Variants in CNGB1 observed in about 807,000 individuals in gnomAD.
The protein encoded by CNGB1 is cyclic nucleotide gated channel subunit beta 1, also known as cyclic nucleotide-gated channel beta-1.
Under a neutral mutation model 151.7 loss-of-function variants are expected in CNGB1, and 126 were observed. That is an observed-to-expected ratio of 0.83 (90% CI 0.72 to 0.96). The LOEUF (loss-of-function observed/expected upper bound fraction) is 0.96, where lower values mean the gene tolerates loss of function less well. Among genes scored for constraint, CNGB1 ranks in the 40% least tolerant of loss-of-function variants. The pLI, the probability that CNGB1 is intolerant of heterozygous loss-of-function variation, is 0.00. For synonymous variants in CNGB1, 623 were observed against 635.1 expected (o/e 0.98, Z 0.29); for missense variants, 1,698 against 1,627.0 (o/e 1.04, Z -0.75).
At chr16:57,947,224 C>T (rs753070507) in intron 14 of CNGB1, among the ~76,000 whole-genome samples, 3 of 152,182 alleles carry the variant, frequency 2.0e-5, no homozygotes, top group Admixed American at 2.0e-4. Flanking sequence ...TACACATCTG[C>T]ACATGCATGT....
In CNGB1 at chr16:57,897,891, G is replaced by C; in HGVS notation, c.3000C>G (p.Tyr1000Ter). The change falls in exon 30 of 33, where the codon TAC (tyrosine) becomes TAG (stop). Residue 1000 changes from tyrosine to a stop codon, truncating the protein, a stop_gained. Coordinates refer to ENST00000251102, the MANE Select transcript of CNGB1 (RefSeq NM_001297.5). LOFTEE classifies it high-confidence loss of function. ...CKKGEIGREM[Y>*]IIQAGQVQVL... ...CCTGCACTTGCCCTGCCTGGATGATGTACATCTCACGGCCGATCTCCCCCT... is the reference window on the plus strand; with the variant it reads ...CCTGCACTTGCCCTGCCTGGATGATCTACATCTCACGGCCGATCTCCCCCT... 6.2e-7 allele frequency: 1 copy of C among 1,614,194 alleles called. No individual in the cohort carries two copies. The highest frequency in any genetic ancestry group is 8.5e-7 in the Non-Finnish European group (1 of 1,180,030).
chr16:57,910,317 CATTT>C (rs1487732327), intron 25 of CNGB1, among the ~76,000 whole-genome samples: 1 of 152,278 alleles, frequency 6.6e-6, no homozygotes, highest in African/African-American at 2.4e-5. Flanking sequence ...ATAACCCAGA[CATTT>C]CTTTCTACTG....
chr16:57,940,389 TG>T (rs1219858855), intron 14 of CNGB1, 68 bp from the exon 15 acceptor site: 8 of 1,438,412 alleles, frequency 5.6e-6, no homozygotes, highest in Non-Finnish European at 5.7e-6. Flanking sequence ...TCCCCAGCCC[TG>T]CTGAGGGCCA....
chr16:57,920,684 A>C (rs1423745941), intron 18 of CNGB1, 140 bp from the exon 19 acceptor site: 3 of 971,828 alleles, frequency 3.1e-6, no homozygotes, highest in East Asian at 2.6e-5. Flanking sequence ...TCCTTCTGAC[A>C]TCAGAAACCA....
chr16:57,901,989 A>G (rs1479467291), intron 27 of CNGB1, among the ~76,000 whole-genome samples: 1 of 152,190 alleles, frequency 6.6e-6, no homozygotes, highest in Non-Finnish European at 1.5e-5. Flanking sequence ...TGGAAGGACA[A>G]CATCAGCAAG....
intron 32 of CNGB1, among the ~76,000 whole-genome samples, chr16:57,884,766 C>G (rs1027721650): frequency 6.6e-6 from 1 of 152,094 alleles, no homozygotes; most frequent in Non-Finnish European, 1.5e-5. Flanking sequence ...GCCCCTCCCC[C>G]GAGCTATTGA....
chr16:57,958,259 G>T, intron 11 of CNGB1, 151 bp downstream of exon 11: 1 of 519,702 alleles, frequency 1.9e-6, no homozygotes. Flanking sequence ...GCATGTCTCA[G>T]GGAGTGGGTG....
intron 31 of CNGB1, among the ~76,000 whole-genome samples, chr16:57,888,508 G>A (rs942156617): frequency 5.3e-5 from 8 of 151,056 alleles, no homozygotes; most frequent in East Asian, 1.9e-4. Flanking sequence ...TGGCTCTGTC[G>A]CCCAGGCAGG....
chr16:57,891,485 G>A (rs918727662), intron 31 of CNGB1, among the ~76,000 whole-genome samples: 1 of 152,122 alleles, frequency 6.6e-6, no homozygotes, highest in Non-Finnish European at 1.5e-5. Context: ...CAGCCTGGGT[G>A]AAAGAGCACG....
At chr16:57,953,846 A>G (rs1962021270) in intron 12 of CNGB1, among the ~76,000 whole-genome samples, 1 of 152,104 alleles carries the variant, frequency 6.6e-6, no homozygotes. Flanking sequence ...AGATTCTTCC[A>G]TAACCATTGC....
chr16:57,904,067 A>G (rs1376742372), intron 26 of CNGB1, 86 bp from the exon 27 acceptor site: 7 of 1,274,844 alleles, frequency 5.5e-6, no homozygotes, highest in Non-Finnish European at 7.9e-6. Context: ...GTGTCACTTC[A>G]CACAGACCAC....
chr16:57,940,208 G>A (rs1321646284), intron 15 of CNGB1, 26 bp downstream of exon 15: 2 of 1,546,726 alleles, frequency 1.3e-6, no homozygotes, highest in Non-Finnish European at 1.8e-6. Context: ...GGCCTCAGAG[G>A]TGCCAGTGCC....
chr16:57,901,522 G>A lies in CNGB1; in HGVS notation c.2892+6C>T, dbSNP rs16942441. The A allele has an allele frequency of 5.2e-3, 8,470 of 1,614,054 alleles. 386 individuals are homozygous for A. In the African/African-American group the frequency reaches 0.097, roughly 18 times the overall value. ...GCCCTGAGCGTGAGGGCACCAAAAG[G>A]TGTACCTGAAAGAGTGCGACTTTGC... is the stretch of plus-strand genomic sequence containing the variant. On this transcript the variant is annotated splice_donor_region_variant and intron_variant, in intron 28 of 32. Transcript: ENST00000251102.
chr16:57,900,674 C>A (rs1196946040), intron 29 of CNGB1, among the ~76,000 whole-genome samples: 2 of 152,082 alleles, frequency 1.3e-5, no homozygotes, highest in Non-Finnish European at 2.9e-5. Flanking sequence ...GGGGCTGTGG[C>A]ATCAGGAAGG....
chr16:57,959,845 A>G, intron 10 of CNGB1, 43 bp downstream of exon 10: 1 of 1,463,944 alleles, frequency 6.8e-7, no homozygotes, highest in Non-Finnish European at 9.0e-7. Flanking sequence ...CAAGGTGCTC[A>G]TCCTGCTCCC....
intron 1 of CNGB1, among the ~76,000 whole-genome samples, chr16:57,970,091 C>T (rs550914383): frequency 4.3e-4 from 66 of 152,310 alleles, no homozygotes; most frequent in African/African-American, 1.4e-3. Context: ...CCCAGCCTCT[C>T]CCACGAGAGG....
Position 57,882,424 on chromosome 16 carries a change from G to A in CNGB1, c.*1740C>T, listed in dbSNP as rs183209549. On this transcript the variant is annotated 3_prime_UTR_variant, in exon 33 of 33. Coordinates refer to ENST00000251102, the MANE Select transcript of CNGB1 (RefSeq NM_001297.5). Reference sequence around the variant, plus strand: ...GGATCACGTGACAAGCCATCAACTAGACAAATCTGTTTCTGACTCTGGGGT... The same window carrying A: ...GGATCACGTGACAAGCCATCAACTAAACAAATCTGTTTCTGACTCTGGGGT... The A allele has an allele frequency of 1.4e-4, 22 of 151,856 alleles. No individual in the cohort carries two copies. The highest frequency in any genetic ancestry group is 4.8e-4 in the African/African-American group (20 of 41,376). The allele number at this position is 151,856 out of a possible 1,614,324, so 9.4% of individuals were successfully genotyped here.
intron 27 of CNGB1, 35 bp from the exon 28 acceptor site, chr16:57,901,660 G>T (rs764004162): frequency 3.2e-6 from 5 of 1,579,996 alleles, no homozygotes; most frequent in Admixed American, 1.7e-5. Flanking sequence ...CAGAGGCAAG[G>T]CCGGGCCCCA....
At chr16:57,935,647 C>A (rs1961487199) in intron 16 of CNGB1, among the ~76,000 whole-genome samples, 1 of 151,710 alleles carries the variant, frequency 6.6e-6, no homozygotes, top group South Asian at 2.1e-4. Flanking sequence ...GACTCCGTCC[C>A]CCCCCAAAAA....
Sources: allele counts gnomAD v4.1 joint callset (sites outside exome capture counted in the v4.1 genomes callset), GRCh38; gene constraint gnomAD v4.1.1; transcripts MANE v1.5; gene names NCBI Gene and HGNC (gene_info 2026-07-23, HGNC 2026-07-21).